Variants in RBMS3 observed in about 807,000 individuals in gnomAD.
RBMS3 encodes the protein RNA-binding motif, single-stranded-interacting protein 3.
Under a neutral mutation model 66.8 loss-of-function variants are expected in RBMS3, and 27 were observed. That is an observed-to-expected ratio of 0.40 (90% CI 0.30 to 0.56). The LOEUF (loss-of-function observed/expected upper bound fraction) is 0.56. Among genes scored for constraint, RBMS3 ranks in the 20% least tolerant of loss-of-function variants. The pLI, the probability that RBMS3 is intolerant of heterozygous loss-of-function variation, is 0.40. For synonymous variants in RBMS3, 188 were observed against 183.0 expected (o/e 1.03, Z -0.22); for missense variants, 513 against 549.5 (o/e 0.93, Z 0.66).
Position 30,004,075 on chromosome 3 carries a change from C to A in RBMS3, c.*213C>A. ...ATGTGGTCTGACAATTTATTTTTGC[C>A]ATCATTTTTTTAATTAAAGAAAAAA... On this transcript the variant is annotated 3_prime_UTR_variant, in exon 15 of 15. Transcript: ENST00000383767. 2.7e-6 allele frequency: 1 copy of A among 369,938 alleles called. No homozygotes were observed. The highest frequency in any genetic ancestry group is 4.8e-6 in the Non-Finnish European group (1 of 210,218). 22.9% of individuals were successfully genotyped at this position (369,938 alleles called of 1,614,324 possible).
At chr3:29,862,630 G>A (rs1280307689) in intron 6 of RBMS3, among the ~76,000 whole-genome samples, 3 of 151,968 alleles carry the variant, frequency 2.0e-5, no homozygotes, top group Non-Finnish European at 4.4e-5. Context: ...CATGTGTGGT[G>A]GGGGCAGTTC....
chr3:29,323,691 T>TACAC (rs10565045), intron 1 of RBMS3, among the ~76,000 whole-genome samples: 2,147 of 144,356 alleles, frequency 0.015, 30 homozygotes, highest in East Asian at 0.04. Context: ...CACACACACA[T>TACAC]ACACACACAC....
At chr3:29,996,815 G>T (rs1699273253) in intron 14 of RBMS3, among the ~76,000 whole-genome samples, 1 of 152,020 alleles carries the variant, frequency 6.6e-6, no homozygotes, top group African/African-American at 2.4e-5. Flanking sequence ...AGAGAAAGCA[G>T]GAAAGATCTA....
At chr3:29,360,779 T>C (rs981365205) in intron 1 of RBMS3, among the ~76,000 whole-genome samples, 4 of 152,124 alleles carry the variant, frequency 2.6e-5, no homozygotes, top group Admixed American at 2.6e-4. Context: ...TCTTGTTGAA[T>C]TGATCCCTTT....
intron 6 of RBMS3, among the ~76,000 whole-genome samples, chr3:29,785,287 A>G (rs879737871): frequency 6.6e-6 from 1 of 152,148 alleles, no homozygotes; most frequent in African/African-American, 2.4e-5. Context: ...AGTGAACTGA[A>G]TCCAACAGCT....
chr3:29,899,780 C>A, intron 10 of RBMS3, 25 bp downstream of exon 10: 3 of 1,599,570 alleles, frequency 1.9e-6, no homozygotes, highest in Non-Finnish European at 8.5e-7. Flanking sequence ...TCACCTGAGG[C>A]TAATATTTCT....
At chr3:29,475,771 AAAGCAGTG>A (rs2042926784) in intron 2 of RBMS3, among the ~76,000 whole-genome samples, 1 of 152,192 alleles carries the variant, frequency 6.6e-6, no homozygotes, top group Non-Finnish European at 1.5e-5. Context: ...AGAAAGTATG[AAAGCAGTG>A]CTTTGGATTG....
At position 29,884,471 on chromosome 3, in the gene RBMS3, C is replaced by CTCTCTCTCTCT. The variant is rs1553692504; in HGVS notation, c.791+263_791+264insTCTCTCTCTCT. Among the ~76,000 whole-genome samples, 15 of 38,970 alleles carry CTCTCTCTCTCT rather than the reference C, an allele frequency of 3.8e-4. 2 individuals carry two copies. Among genetic ancestry groups the CTCTCTCTCTCT allele is most frequent in the African/African-American group, 7.2e-4 (10 of 13,860 alleles). The allele number at this position is 38,970 out of a possible 152,430, so 25.6% of individuals were successfully genotyped here. On this transcript the variant is annotated intron_variant, in intron 8 of 14. Coordinates refer to ENST00000383767, the MANE Select transcript of RBMS3 (RefSeq NM_001003793.3). ...CTCTCTCTCTCTCTCTCTCTCTCTC[C>CTCTCTCTCTCT]CCCCCCGCTCCCTCCCTCCCTCCCT...
chr3:29,554,819 G>A (rs1242307088), intron 3 of RBMS3, among the ~76,000 whole-genome samples: 1 of 152,160 alleles, frequency 6.6e-6, no homozygotes, highest in African/African-American at 2.4e-5. Flanking sequence ...ATAATTTAGA[G>A]TCATATATTC....
intron 1 of RBMS3, among the ~76,000 whole-genome samples, chr3:29,292,545 T>C (rs1177444367): frequency 6.6e-6 from 1 of 151,862 alleles, no homozygotes; most frequent in Non-Finnish European, 1.5e-5. Flanking sequence ...CTTGATAGCA[T>C]CTTTTGGAAA....
At chr3:29,793,242 G>GAAAAAGAAAAA (rs2057074261) in intron 6 of RBMS3, among the ~76,000 whole-genome samples, 1 of 144,974 alleles carries the variant, frequency 6.9e-6, no homozygotes, top group Non-Finnish European at 1.5e-5. Flanking sequence ...AAAAAAAAAA[G>GAAAAAGAAAAA]AAAAAGGAAA....
rs1469978331 is a variant in RBMS3, at chr3:29,697,017, G to A, written c.400-42703G>A. ...AAAACTTCTAACTTGCTACAAAGGA[G>A]GACAACAGAGATTATCCAGCCAGAG... On this transcript the variant is annotated intron_variant, in intron 4 of 14. Coordinates refer to ENST00000383767, the MANE Select transcript of RBMS3 (RefSeq NM_001003793.3). 6.1e-6 allele frequency: 6 copies of A among 984,932 alleles called. No homozygotes were observed. In the African/African-American group the frequency reaches 8.7e-5, roughly 14 times the overall value. 61.0% of individuals were successfully genotyped at this position (984,932 alleles called of 1,614,324 possible). A position where few individuals can be genotyped will look rare whatever the true frequency, so the allele number is the denominator to read the frequency against.
chr3:29,518,391 A>G lies in RBMS3; in HGVS notation c.307+29892A>G, dbSNP rs549605810. Among the ~76,000 whole-genome samples, 6 of 152,332 alleles carry G rather than the reference A, an allele frequency of 3.9e-5. No individual in the cohort carries two copies. The East Asian group carries it at 7.7e-4, about 20-fold the overall frequency. On this transcript the variant is annotated intron_variant, in intron 3 of 14. Coordinates refer to ENST00000383767, the MANE Select transcript of RBMS3 (RefSeq NM_001003793.3). ...AACTAATGCTTCTATTTCTTGTTTT[A>G]GTCAGTAAAGTAGCCAGCGCCATGT...
intron 1 of RBMS3, among the ~76,000 whole-genome samples, chr3:29,346,588 G>A (rs990953286): frequency 4.6e-5 from 7 of 151,718 alleles, no homozygotes; most frequent in Non-Finnish European, 8.8e-5. Flanking sequence ...ATTTTTAGTA[G>A]AGATGGGGTT....
intron 1 of RBMS3, among the ~76,000 whole-genome samples, chr3:29,319,986 G>T (rs1357741553): frequency 6.6e-6 from 1 of 151,918 alleles, no homozygotes; most frequent in Non-Finnish European, 1.5e-5. Context: ...TTTAAACCTG[G>T]TGCTGACCAT....
chr3:29,992,325 G>T (rs200565412), intron 14 of RBMS3, among the ~76,000 whole-genome samples: 1 of 152,126 alleles, frequency 6.6e-6, no homozygotes, highest in African/African-American at 2.4e-5. Context: ...AGTGGCTCAC[G>T]CCTGTAATCC....
chr3:29,378,398 G>A (rs895303078), intron 1 of RBMS3, among the ~76,000 whole-genome samples: 6 of 151,836 alleles, frequency 4.0e-5, no homozygotes, highest in East Asian at 1.9e-4. Flanking sequence ...CATGAAACCC[G>A]GAGGCGGAGC....
At chr3:29,803,615 A>T (rs984776301) in intron 6 of RBMS3, among the ~76,000 whole-genome samples, 2 of 152,052 alleles carry the variant, frequency 1.3e-5, no homozygotes, top group African/African-American at 4.8e-5. Context: ...CACACATTTT[A>T]TATATGTGTA....
intron 2 of RBMS3, among the ~76,000 whole-genome samples, chr3:29,438,019 C>T (rs1020934719): frequency 8.3e-6 from 1 of 119,978 alleles, no homozygotes; most frequent in Non-Finnish European, 1.6e-5. Context: ...TTTGTAAAAC[C>T]TTGCTTGTTT....
Sources: allele counts gnomAD v4.1 joint callset (sites outside exome capture counted in the v4.1 genomes callset), GRCh38; gene constraint gnomAD v4.1.1; transcripts MANE v1.5; gene names NCBI Gene and HGNC (gene_info 2026-07-23, HGNC 2026-07-21).